SLC35F4: variants seen among roughly 807,000 people sequenced by gnomAD.
The protein encoded by SLC35F4 is chromosome 14 open reading frame 36.
A neutral mutation model predicts 44.2 loss-of-function variants in SLC35F4; 24 were observed. The ratio of observed to expected loss-of-function variants is 0.54; its 90% CI spans 0.39 to 0.76. The LOEUF (loss-of-function observed/expected upper bound fraction) is 0.76. SLC35F4 is among the 30% of genes least tolerant of loss of function. SLC35F4 has a pLI of 0.00. For synonymous variants in SLC35F4, 238 were observed against 223.6 expected (o/e 1.06, Z -0.57); for missense variants, 562 against 586.1 (o/e 0.96, Z 0.42).
chr14:57,855,125 A>G (rs945045152), intron 1 of SLC35F4, among the ~76,000 whole-genome samples: 3 of 152,202 alleles, frequency 2.0e-5, no homozygotes, highest in African/African-American at 4.8e-5. Flanking sequence ...CAGACACTCA[A>G]TAAACATTAT....
At chr14:57,853,510 T>C (rs1310730151) in intron 1 of SLC35F4, among the ~76,000 whole-genome samples, 1 of 152,180 alleles carries the variant, frequency 6.6e-6, no homozygotes, top group Non-Finnish European at 1.5e-5. Context: ...ATTGGGAAAC[T>C]TGACCCTGCT....
Position 57,880,896 on chromosome 14 carries a change from A to G in SLC35F4, n.282+101017T>C, listed in dbSNP as rs183025444. ...ACATTGATGAATAAATTGGATTTCT[A>G]AAGGATTCGTTCATAAAGGGAGACA... is the stretch of plus-strand genomic sequence containing the variant. On this transcript the variant is annotated intron_variant and non_coding_transcript_variant, in intron 1 of 1. Transcript: ENST00000556568. Among the ~76,000 whole-genome samples, 508 of 152,346 alleles carry G rather than the reference A, an allele frequency of 3.3e-3. 5 individuals are homozygous for G. The highest frequency in any genetic ancestry group is 5.8e-3 in the Non-Finnish European group (397 of 68,034).
At chr14:57,803,637 T>A (rs1358681010) in intron 1 of SLC35F4, among the ~76,000 whole-genome samples, 1 of 136,264 alleles carries the variant, frequency 7.3e-6, no homozygotes, top group Non-Finnish European at 1.5e-5. Flanking sequence ...TCACCCAGAC[T>A]GGGGTACGAA....
chr14:57,926,778 G>A (rs1889583300), intron 1 of SLC35F4, among the ~76,000 whole-genome samples: 1 of 151,902 alleles, frequency 6.6e-6, no homozygotes, highest in African/African-American at 2.4e-5. Flanking sequence ...CCTTAGAGAG[G>A]GGATGAAAAG....
chr14:57,815,159 C>T (rs1295788820), intron 1 of SLC35F4, among the ~76,000 whole-genome samples: 1 of 152,156 alleles, frequency 6.6e-6, no homozygotes, highest in African/African-American at 2.4e-5. Context: ...AGTTTGCCAA[C>T]CCTTTATTTA....
At chr14:57,884,460 T>C (rs1888605433) in intron 1 of SLC35F4, among the ~76,000 whole-genome samples, 1 of 152,150 alleles carries the variant, frequency 6.6e-6, no homozygotes, top group Admixed American at 6.6e-5. Context: ...GACTCTTCCA[T>C]ATTTCGTTTC....
At chr14:57,647,103 C>T (rs148624439) in intron 1 of SLC35F4, among the ~76,000 whole-genome samples, 27,425 of 151,930 alleles carry the variant, frequency 0.18, 2,538 homozygotes, top group South Asian at 0.26. Flanking sequence ...ATTCTGTTGA[C>T]TTGGGGTGGA....
intron 1 of SLC35F4, among the ~76,000 whole-genome samples, chr14:57,855,486 G>A (rs1454120906): frequency 1.3e-5 from 2 of 152,202 alleles, no homozygotes; most frequent in Non-Finnish European, 2.9e-5. Flanking sequence ...AAACCACAAT[G>A]AGATAGCATC....
chr14:57,850,199 G>A (rs954481350), intron 1 of SLC35F4, among the ~76,000 whole-genome samples: 3 of 152,134 alleles, frequency 2.0e-5, no homozygotes, highest in Admixed American at 6.5e-5. Context: ...AAGTTGCAAC[G>A]TCAAGCAAAA....
At position 57,691,832 on chromosome 14, in the gene SLC35F4, G is replaced by A. The variant is rs1745972688; in HGVS notation, c.104-97708C>T. 2.0e-5 allele frequency among the ~76,000 whole-genome samples: 3 copies of A among 148,276 alleles called. No individual in the cohort carries two copies. In the South Asian group the frequency reaches 6.5e-4, roughly 32 times the overall value. On this transcript the variant is annotated intron_variant, in intron 1 of 7. Coordinates refer to ENST00000556826, the MANE Select transcript of SLC35F4 (RefSeq NM_001306087.2). ...CATGATAGCAAATGTGACAGACTTAGATGAACAATGCTACGGGGGTGGAGG... is the reference window on the plus strand; with the variant it reads ...CATGATAGCAAATGTGACAGACTTAAATGAACAATGCTACGGGGGTGGAGG...
intron 1 of SLC35F4, among the ~76,000 whole-genome samples, chr14:57,604,703 C>G (rs1012063724): frequency 5.9e-5 from 9 of 152,172 alleles, no homozygotes; most frequent in Admixed American, 5.2e-4. Context: ...TGACTCCAAA[C>G]TAATGCTACA....
chr14:57,841,821 C>T (rs1003137207), intron 1 of SLC35F4, among the ~76,000 whole-genome samples: 3 of 151,616 alleles, frequency 2.0e-5, no homozygotes, highest in Admixed American at 6.5e-5. Flanking sequence ...TATGACTCTA[C>T]CCAAACAAAA....
chr14:57,713,911 C>A (rs2075872248), intron 1 of SLC35F4, among the ~76,000 whole-genome samples: 1 of 152,172 alleles, frequency 6.6e-6, no homozygotes, highest in Admixed American at 6.5e-5. Flanking sequence ...CTACCTCCCC[C>A]ACCCCCCATG....
At chr14:57,823,428 G>A (rs1202371437) in intron 1 of SLC35F4, among the ~76,000 whole-genome samples, 1 of 152,160 alleles carries the variant, frequency 6.6e-6, no homozygotes, top group Non-Finnish European at 1.5e-5. Flanking sequence ...AGAAAATCAA[G>A]TTCGTGAAAT....
At chr14:57,721,863 C>G (rs2076093644) in intron 1 of SLC35F4, among the ~76,000 whole-genome samples, 1 of 152,130 alleles carries the variant, frequency 6.6e-6, no homozygotes, top group African/African-American at 2.4e-5. Flanking sequence ...GAGATAAACC[C>G]TGTGTCTCCT....
Position 57,564,336 on chromosome 14 carries a change from G to T in SLC35F4, c.1257C>A (p.Val419=), listed in dbSNP as rs370744274. The change falls in exon 8 of 8, where the codon GTC becomes GTA. Residue 419 remains valine (V), a synonymous_variant. Transcript: ENST00000556826. ...AGATGATGATGGTAGCAGCCAGGCGGACAACATTGAATATCACCTCCTGCT... is the reference window on the plus strand; with the variant it reads ...AGATGATGATGGTAGCAGCCAGGCGTACAACATTGAATATCACCTCCTGCT... The part of the protein sequence containing the change: ...LLKQEVIFNV[V]RLAATIIICI... 1.6e-4 allele frequency: 252 copies of T among 1,610,382 alleles called. No individual in the cohort carries two copies. The highest frequency in any genetic ancestry group is 1.5e-4 in the Non-Finnish European group (177 of 1,178,382).
At chr14:57,667,655 G>C (rs573596346) in intron 1 of SLC35F4, among the ~76,000 whole-genome samples, 17 of 151,846 alleles carry the variant, frequency 1.1e-4, no homozygotes, top group African/African-American at 3.9e-4. Context: ...CCCTACAAAG[G>C]ACATGAACTC....
At chr14:57,669,647 C>T (rs1213222020) in intron 1 of SLC35F4, among the ~76,000 whole-genome samples, 1 of 151,940 alleles carries the variant, frequency 6.6e-6, no homozygotes, top group African/African-American at 2.4e-5. Flanking sequence ...TGATTTGCAT[C>T]TGTTGAACCA....
chr14:57,961,635 C>T (rs928709079), intron 1 of SLC35F4, among the ~76,000 whole-genome samples: 3 of 152,160 alleles, frequency 2.0e-5, no homozygotes, highest in Admixed American at 6.5e-5. Context: ...TAATTCCTGG[C>T]GGGATGGCTG....
Sources: allele counts gnomAD v4.1 joint callset (sites outside exome capture counted in the v4.1 genomes callset), GRCh38; gene constraint gnomAD v4.1.1; transcripts MANE v1.5; gene names NCBI Gene and HGNC (gene_info 2026-07-23, HGNC 2026-07-21).